Variants in KIRREL3 observed in about 807,000 individuals in gnomAD.
KIRREL3 encodes kirre like nephrin family adhesion molecule 3, also known as kin of IRRE-like protein 3.
In KIRREL3, 36 loss-of-function variants were observed where a neutral mutation model predicts 89.7. That is an observed-to-expected ratio of 0.40 (90% confidence interval 0.31 to 0.53). The LOEUF is 0.53. Ranked by LOEUF, KIRREL3 falls within the 20% of genes least tolerant of loss-of-function variation. The pLI is 0.49. For missense variants in KIRREL3, 864 were observed against 1,056.6 expected (o/e 0.82, Z 2.53); for synonymous variants, 445 against 441.4 (o/e 1.01, Z -0.10).
rs1591923021 is a variant in KIRREL3 at position 126,669,474 on chromosome 11, T to C, written c.56-106562A>G. ...ATGTCTTTAGTTAATGCTTGTAATA[T>C]CTATGTATTTAAGGGCTTAATCATG... is the stretch of plus-strand genomic sequence containing the variant. On this transcript the variant is annotated intron_variant, in intron 1 of 16. Transcript: ENST00000525144. This position sits in a 1 kb window ranked among gnomAD's most constrained non-coding sequence, Gnocchi z 5.0. Among the ~76,000 whole-genome samples the C allele has an allele frequency of 6.6e-6, 1 of 152,340 alleles. No individual in the cohort carries two copies. The highest frequency in any genetic ancestry group is 1.9e-4 in the East Asian group (1 of 5,180).
At position 126,607,224 on chromosome 11, in the gene KIRREL3, C is replaced by T. The variant is rs920011360; in HGVS notation, c.56-44312G>A. Among the ~76,000 whole-genome samples, 3 of 152,140 alleles carry T rather than the reference C, an allele frequency of 2.0e-5. No individual in the cohort carries two copies. Among genetic ancestry groups the T allele is most frequent in the African/African-American group, 2.4e-5 (1 of 41,420 alleles). ...CAGGGAAACGATGGAGTAGCTGAGC[C>T]GAGATTGGCTCACCTCCTTGTACAG... On this transcript the variant is annotated intron_variant, in intron 1 of 16. Transcript: ENST00000525144. This position sits in a 1 kb window ranked among gnomAD's most constrained non-coding sequence, Gnocchi z 6.6.
chr11:126,736,375 C>T lies in KIRREL3; in HGVS notation c.56-173463G>A, dbSNP rs745312276. ...TTTGACAAGTCATACACAGCTAAAA[C>T]GTAGATGCCAGAGCCAGGATTTGAT... On this transcript the variant is annotated intron_variant, in intron 1 of 16. Transcript: ENST00000525144. The surrounding 1 kb of genome is among the most constrained non-coding windows in gnomAD (Gnocchi z 5.0). Among the ~76,000 whole-genome samples the T allele has an allele frequency of 9.2e-5, 14 of 152,152 alleles. No individual in the cohort carries two copies. Among genetic ancestry groups the T allele is most frequent in the African/African-American group, 7.2e-5 (3 of 41,430 alleles).
intron 1 of KIRREL3, among the ~76,000 whole-genome samples, chr11:126,960,063 A>G (rs1614481): frequency 0.92 from 139,328 of 152,190 alleles, 63,954 homozygotes; most frequent in African/African-American, 0.98. Flanking sequence ...CATGACTGAC[A>G]TCTGAATGAA....
chr11:126,683,660 C>T lies in KIRREL3; in HGVS notation c.56-120748G>A, dbSNP rs1946556115. Among the ~76,000 whole-genome samples the T allele has an allele frequency of 6.6e-6, 1 of 152,202 alleles. No homozygotes were observed. The highest frequency in any genetic ancestry group is 1.5e-5 in the Non-Finnish European group (1 of 68,044). On this transcript the variant is annotated intron_variant, in intron 1 of 16. Coordinates refer to ENST00000525144, the MANE Select transcript of KIRREL3 (RefSeq NM_032531.4). This position sits in a 1 kb window ranked among gnomAD's most constrained non-coding sequence, Gnocchi z 5.2. The stretch of plus-strand genomic sequence containing the variant: ...GCATTGACGGCAGAATCGTAAGGAT[C>T]ACAGAGACCTCAGGAACATGGCTCT...
At chr11:126,787,292 G>A (rs556539202) in intron 1 of KIRREL3, among the ~76,000 whole-genome samples, 53 of 152,298 alleles carry the variant, frequency 3.5e-4, no homozygotes, top group Non-Finnish European at 4.7e-4. Flanking sequence ...AAGACAGCCT[G>A]CTTTATGTGT....
chr11:126,936,188 T>G (rs1296498710), intron 1 of KIRREL3: 3 of 152,046 alleles, frequency 2.0e-5, no homozygotes, highest in Admixed American at 1.3e-4. Context: ...AAAACCACAA[T>G]GAGATACCAC....
At chr11:126,673,051 C>T (rs1036005491) in intron 1 of KIRREL3, among the ~76,000 whole-genome samples, 1 of 152,182 alleles carries the variant, frequency 6.6e-6, no homozygotes, top group African/African-American at 2.4e-5. Flanking sequence ...GAAATGGTCC[C>T]CCAGTGTAGA....
At position 126,953,692 on chromosome 11, in the gene KIRREL3, G is replaced by A. The variant is rs374464751; in HGVS notation, c.55+46763C>T. Among the ~76,000 whole-genome samples, 12 of 152,040 alleles carry A rather than the reference G, an allele frequency of 7.9e-5. No homozygotes were observed. The highest frequency in any genetic ancestry group is 2.7e-4 in the African/African-American group (11 of 41,378). On this transcript the variant is annotated intron_variant, in intron 1 of 16. Coordinates refer to ENST00000525144, the MANE Select transcript of KIRREL3 (RefSeq NM_032531.4). The surrounding 1 kb of genome is among the most constrained non-coding windows in gnomAD (Gnocchi z 5.2). ...ATTGCTGACAGAAAATAATCAAATC[G>A]TTCTCCAATTTTTTGCAAAAGAGTA...
chr11:126,443,413 C>T lies in KIRREL3; in HGVS notation c.1252+1566G>A, dbSNP rs1955663502. Among the ~76,000 whole-genome samples the T allele has an allele frequency of 6.6e-6, 1 of 152,156 alleles. No individual in the cohort carries two copies. Among genetic ancestry groups the T allele is most frequent in the South Asian group, 2.1e-4 (1 of 4,834 alleles). On this transcript the variant is annotated intron_variant, in intron 10 of 16. Coordinates refer to ENST00000525144, the MANE Select transcript of KIRREL3 (RefSeq NM_032531.4). This position sits in a 1 kb window ranked among gnomAD's most constrained non-coding sequence, Gnocchi z 7.3. Reference sequence around the variant, plus strand: ...TGCCATGGATATACGGAGGCGCGATCAGATGCTGTTATTTTTAGCCCTGCA... The same window carrying T: ...TGCCATGGATATACGGAGGCGCGATTAGATGCTGTTATTTTTAGCCCTGCA...
rs755514713 is a variant in KIRREL3 at position 126,627,958 on chromosome 11, C to T, written c.56-65046G>A. ...GTCTCTCCCACCACCGAGCAAGGCT[C>T]GGTCTCCTGGTTTGAGAAACAGGAA... is the stretch of plus-strand genomic sequence containing the variant. On this transcript the variant is annotated intron_variant, in intron 1 of 16. Transcript: ENST00000525144. The surrounding 1 kb of genome is among the most constrained non-coding windows in gnomAD (Gnocchi z 5.0). 2.0e-5 allele frequency among the ~76,000 whole-genome samples: 3 copies of T among 152,194 alleles called. No homozygotes were observed. The highest frequency in any genetic ancestry group is 2.9e-5 in the Non-Finnish European group (2 of 68,032).
rs907616473 is a variant in KIRREL3, at chr11:126,508,795, A to T, written c.433+12520T>A. ...TCAGCTTCCTCGTCCGTAAAAGGGG[A>T]CACGGGACCTGCCTGGCAGAGCTGG... On this transcript the variant is annotated intron_variant, in intron 4 of 16. Coordinates refer to ENST00000525144, the MANE Select transcript of KIRREL3 (RefSeq NM_032531.4). The surrounding 1 kb of genome is among the most constrained non-coding windows in gnomAD (Gnocchi z 4.9). 6.6e-6 allele frequency among the ~76,000 whole-genome samples: 1 copy of T among 152,064 alleles called. No individual in the cohort carries two copies. Among genetic ancestry groups the T allele is most frequent in the Non-Finnish European group, 1.5e-5 (1 of 68,008 alleles).
In KIRREL3 at chr11:126,808,681, T is replaced by A. The variant is rs1055626548; in HGVS notation, c.55+191774A>T. 6.6e-6 allele frequency among the ~76,000 whole-genome samples: 1 copy of A among 152,226 alleles called. No homozygotes were observed. The highest frequency in any genetic ancestry group is 2.4e-5 in the African/African-American group (1 of 41,464). On this transcript the variant is annotated intron_variant, in intron 1 of 16. Transcript: ENST00000525144. This position sits in a 1 kb window ranked among gnomAD's most constrained non-coding sequence, Gnocchi z 4.1. ...TCAGATTAAATGCTGAATTGTATTT[T>A]GGGGTCTGAGTTTTGTCATGCAAAC...
intron 1 of KIRREL3, among the ~76,000 whole-genome samples, chr11:126,733,041 G>A (rs1025432815): frequency 3.3e-5 from 5 of 152,322 alleles, no homozygotes; most frequent in Admixed American, 3.3e-4. Context: ...GGTTCTGAAG[G>A]CAGCTTGAGA....
chr11:126,539,830 TAGG>T (rs1297557423), intron 2 of KIRREL3, among the ~76,000 whole-genome samples: 2 of 152,198 alleles, frequency 1.3e-5, no homozygotes, highest in Non-Finnish European at 2.9e-5. Context: ...GGTCAGGCAG[TAGG>T]AGAAGTATTT....
chr11:126,687,384 T>C lies in KIRREL3; in HGVS notation c.56-124472A>G, dbSNP rs1451717176. Among the ~76,000 whole-genome samples, 1 of 152,192 alleles carries C rather than the reference T, an allele frequency of 6.6e-6. No individual in the cohort carries two copies. The highest frequency in any genetic ancestry group is 1.5e-5 in the Non-Finnish European group (1 of 68,038). On this transcript the variant is annotated intron_variant, in intron 1 of 16. Coordinates refer to ENST00000525144, the MANE Select transcript of KIRREL3 (RefSeq NM_032531.4). The surrounding 1 kb of genome is among the most constrained non-coding windows in gnomAD (Gnocchi z 4.6). ...CCCAAATTTACCTAGCCCAGAGTTT[T>C]AAAAAATTTATATTTTTAACCTTGA...
At position 126,485,048 on chromosome 11, in the gene KIRREL3, G is replaced by A. The variant is rs1047745541; in HGVS notation, c.434-11582C>T. 3.3e-5 allele frequency among the ~76,000 whole-genome samples: 5 copies of A among 152,124 alleles called. No homozygotes were observed. Among genetic ancestry groups the A allele is most frequent in the African/African-American group, 9.7e-5 (4 of 41,428 alleles). ...TTGGCCAGGCTGGTCTCAAACGCCTGACCTCAGGTGATCCGCCCACCTTAG... is the reference window on the plus strand; with the variant it reads ...TTGGCCAGGCTGGTCTCAAACGCCTAACCTCAGGTGATCCGCCCACCTTAG... On this transcript the variant is annotated intron_variant, in intron 4 of 16. Coordinates refer to ENST00000525144, the MANE Select transcript of KIRREL3 (RefSeq NM_032531.4). This position sits in a 1 kb window ranked among gnomAD's most constrained non-coding sequence, Gnocchi z 5.8.
At chr11:126,449,214 G>A (rs1193086209) in intron 7 of KIRREL3, 57 bp from the exon 8 acceptor site, 2 of 1,591,314 alleles carry the variant, frequency 1.3e-6, no homozygotes, top group Non-Finnish European at 1.7e-6. Context: ...AACCCTCCGG[G>A]AGCTGGACAC....
In KIRREL3 at chr11:126,978,421, A is replaced by C. The variant is rs1198777220; in HGVS notation, c.55+22034T>G. On this transcript the variant is annotated intron_variant, in intron 1 of 16. Transcript: ENST00000525144. The surrounding 1 kb of genome is among the most constrained non-coding windows in gnomAD (Gnocchi z 4.2). ...TTTCTTTGTTAACCCAACCCCTGGC[A>C]GCAATTATGTCCTAAAGGAAAGTCC... is the stretch of plus-strand genomic sequence containing the variant. Among the ~76,000 whole-genome samples the C allele has an allele frequency of 6.6e-6, 1 of 152,154 alleles. No individual in the cohort carries two copies. Among genetic ancestry groups the C allele is most frequent in the Non-Finnish European group, 1.5e-5 (1 of 68,028 alleles).
At chr11:126,730,997 C>A (rs1448555758) in intron 1 of KIRREL3, among the ~76,000 whole-genome samples, 1 of 152,158 alleles carries the variant, frequency 6.6e-6, no homozygotes, top group Non-Finnish European at 1.5e-5. Flanking sequence ...TCTCGGCCTC[C>A]CAAAGTGCTG....
Sources: gnomAD v4.1 joint callset for allele counts (sites outside exome capture counted in the v4.1 genomes callset) on GRCh38, gnomAD v4.1.1 for gene constraint, Gnocchi (gnomAD v3.1) non-coding constraint, MANE v1.5 for transcripts, NCBI Gene and HGNC (gene_info 2026-07-23, HGNC 2026-07-21) for gene names.